SKP2: variants seen among roughly 807,000 people sequenced by gnomAD.
SKP2 encodes S-phase kinase-associated protein 2.
A neutral mutation model predicts 51.8 loss-of-function variants in SKP2; 16 were observed. That is an observed-to-expected ratio of 0.31 (90% confidence interval 0.21 to 0.47). The LOEUF (loss-of-function observed/expected upper bound fraction) is 0.47, where lower values mean the gene tolerates loss of function less well. SKP2 is among the 20% of genes least tolerant of loss of function. The pLI is 1.00. For synonymous variants in SKP2, 176 were observed against 198.6 expected, an observed-to-expected ratio of 0.89 and a Z score of 0.96; for missense variants, 377 against 505.3, an observed-to-expected ratio of 0.75 and a Z score of 2.43.
downstream of SKP2, among the ~76,000 whole-genome samples, chr5:36,186,428 T>C (rs1008006462): frequency 1.3e-5 from 2 of 152,220 alleles, no homozygotes; most frequent in Non-Finnish European, 2.9e-5. Context: ...ATATGCCCCA[T>C]CAATACCTTA....
In SKP2 at chr5:36,182,615, A is replaced by G. The variant is rs1352770306; in HGVS notation, c.*584A>G. 1.0e-6 allele frequency: 1 copy of G among 981,994 alleles called. No homozygotes were observed. Among genetic ancestry groups the G allele is most frequent in the South Asian group, 4.7e-5 (1 of 21,244 alleles). 60.8% of individuals were successfully genotyped at this position (981,994 alleles called of 1,614,324 possible). ...AGAAATAAGTAACCCCATGTAATTC[A>G]CCTTAAAACTTAACAAAAGACCAAA... On this transcript the variant is annotated 3_prime_UTR_variant, in exon 10 of 10. Coordinates refer to ENST00000274255, the MANE Select transcript of SKP2 (RefSeq NM_005983.4).
intron 9 of SKP2, among the ~76,000 whole-genome samples, chr5:36,178,510 G>A (rs1047991088): frequency 1.3e-5 from 2 of 152,088 alleles, no homozygotes; most frequent in African/African-American, 4.8e-5. Context: ...TAGGATGGCA[G>A]GATTTACTTT....
intron 5 of SKP2, among the ~76,000 whole-genome samples, chr5:36,169,112 G>A (rs548339556): frequency 2.6e-5 from 4 of 152,294 alleles, no homozygotes; most frequent in African/African-American, 7.2e-5. Context: ...GGGCCCCTAC[G>A]CCTTGCTGTA....
Position 36,177,258 on chromosome 5 carries a change from A to T in SKP2, c.1027A>T (p.Ser343Cys). Residue 343 changes from serine (S) to cysteine (C), a missense_variant, in exon 9 of 10, where the codon AGT becomes TGT. Ser to Cys is a moderately radical substitution (Grantham distance 112). Transcript: ENST00000274255. ...CAACTACCTCCAACACCTATCACTC[A>T]GTCGGTGCTATGATATAATACCTGA... ...QLNYLQHLSL[S>C]RCYDIIPETL... 1 of 1,610,904 alleles carries T rather than the reference A, an allele frequency of 6.2e-7. No individual in the cohort carries two copies. The highest frequency in any genetic ancestry group is 8.5e-7 in the Non-Finnish European group (1 of 1,177,350).
chr5:36,171,197 A>T (rs1409357799), intron 6 of SKP2, among the ~76,000 whole-genome samples: 2 of 152,214 alleles, frequency 1.3e-5, no homozygotes, highest in Non-Finnish European at 2.9e-5. Flanking sequence ...GGCTTTTTGC[A>T]ATATCAGCAT....
In SKP2 at chr5:36,166,616, C is replaced by T. The variant is rs776151084; in HGVS notation, c.490C>T (p.Arg164Cys). The stretch of plus-strand genomic sequence containing the variant: ...GCTGTCTCAAGGGGTGATTGCCTTC[C>T]GCTGCCCACGATCATTTATGGACCA... ...RLLSQGVIAF[R>C]CPRSFMDQPL... The change falls in exon 4 of 10, where the codon CGC becomes TGC. Residue 164 changes from arginine (R) to cysteine (C), a missense_variant. Physicochemically the swap from Arg to Cys is radical, Grantham distance 180. Coordinates refer to ENST00000274255, the MANE Select transcript of SKP2 (RefSeq NM_005983.4). The T allele has an allele frequency of 3.9e-5, 63 of 1,613,940 alleles. No individual in the cohort carries two copies. Among genetic ancestry groups the T allele is most frequent in the Non-Finnish European group, 5.2e-5 (61 of 1,179,886 alleles).
intron 2 of SKP2, among the ~76,000 whole-genome samples, chr5:36,153,969 A>C (rs1744856561): frequency 6.6e-6 from 1 of 152,204 alleles, no homozygotes; most frequent in African/African-American, 2.4e-5. Context: ...TTTGCTGAGC[A>C]CATACCATGT....
chr5:36,188,698 A>G (rs530851975), downstream of SKP2, among the ~76,000 whole-genome samples: 34 of 152,182 alleles, frequency 2.2e-4, no homozygotes, highest in Non-Finnish European at 3.2e-4. Context: ...GAATCTGACA[A>G]TTATGTGCCT....
Position 36,182,427 on chromosome 5 carries a change from A to G in SKP2, c.*396A>G, listed in dbSNP as rs1745840728. 1.0e-6 allele frequency: 1 copy of G among 998,822 alleles called. No homozygotes were observed. Among genetic ancestry groups the G allele is most frequent in the Non-Finnish European group, 1.2e-6 (1 of 836,626 alleles). 61.9% of individuals were successfully genotyped at this position (998,822 alleles called of 1,614,324 possible). On this transcript the variant is annotated 3_prime_UTR_variant, in exon 10 of 10. Coordinates refer to ENST00000274255, the MANE Select transcript of SKP2 (RefSeq NM_005983.4). ...ATAACTTTTATCTATTTAATTTTAT[A>G]GTATTGCTTTATAAGACAGCTTAGA... is the stretch of plus-strand genomic sequence containing the variant.
At chr5:36,177,678 T>A (rs1048333329) in intron 9 of SKP2, among the ~76,000 whole-genome samples, 3 of 152,038 alleles carry the variant, frequency 2.0e-5, no homozygotes, top group Non-Finnish European at 4.4e-5. Flanking sequence ...TTAACTCCAG[T>A]TGATTCCAAA....
Position 36,183,336 on chromosome 5 carries a change from G to A in SKP2, c.*1305G>A, listed in dbSNP as rs1745873337. 8 of 338,314 alleles carry A rather than the reference G, an allele frequency of 2.4e-5. No homozygotes were observed. The highest frequency in any genetic ancestry group is 3.3e-5 in the Non-Finnish European group (8 of 241,898). The allele number at this position is 338,314 out of a possible 1,614,324, so 21.0% of individuals were successfully genotyped here. A position where few individuals can be genotyped will look rare whatever the true frequency, so the allele number is the denominator to read the frequency against. The stretch of plus-strand genomic sequence containing the variant: ...GGCCGGAGTGCAGTGGTGCGATCTC[G>A]GCTCACTGCAAGCTCCGCCTCCCAG... On this transcript the variant is annotated 3_prime_UTR_variant, in exon 10 of 10. Transcript: ENST00000274255.
intron 1 of SKP2, 41 bp downstream of exon 1, chr5:36,152,311 C>T: frequency 6.3e-7 from 1 of 1,590,446 alleles, no homozygotes; most frequent in Non-Finnish European, 8.6e-7. Context: ...GAAATGGACC[C>T]TCTTAATAAT....
chr5:36,152,903 C>G lies in SKP2; in HGVS notation c.141C>G (p.Asp47Glu), dbSNP rs1194207913. 1.9e-6 allele frequency: 3 copies of G among 1,614,020 alleles called. No individual in the cohort carries two copies. The highest frequency in any genetic ancestry group is 2.5e-6 in the Non-Finnish European group (3 of 1,180,042). The change falls in exon 2 of 10, where the codon GAC becomes GAG. Residue 47 changes from aspartate (D) to glutamate (E), a missense_variant. Transcript: ENST00000274255. The stretch of plus-strand genomic sequence containing the variant: ...CCGCCCTGGAGAAAGAGGAGCCCGA[C>G]AGTGAGAACATCCCCCAGGAACTGC... Reference protein sequence around the residue: ...GVSALEKEEPDSENIPQELLS... With the variant: ...GVSALEKEEPESENIPQELLS...
intron 2 of SKP2, among the ~76,000 whole-genome samples, chr5:36,154,076 C>A (rs1478205815): frequency 6.6e-6 from 1 of 152,096 alleles, no homozygotes; most frequent in East Asian, 1.9e-4. Context: ...ATACAATAAA[C>A]ACAATAACTA....
intron 1 of SKP2, 59 bp downstream of exon 1, chr5:36,152,329 G>C (rs936283010): frequency 6.7e-7 from 1 of 1,489,782 alleles, no homozygotes; most frequent in African/African-American, 1.4e-5. Flanking sequence ...AATTCTTTTA[G>C]GCCGCGAATA....
At chr5:36,158,140 C>T (rs2111954537) in intron 2 of SKP2, among the ~76,000 whole-genome samples, 1 of 152,250 alleles carries the variant, frequency 6.6e-6, no homozygotes, top group Non-Finnish European at 1.5e-5. Context: ...AGACTGGAGA[C>T]CTTGGGCTCA....
At chr5:36,167,473 A>G (rs1005099639) in intron 4 of SKP2, among the ~76,000 whole-genome samples, 1 of 152,104 alleles carries the variant, frequency 6.6e-6, no homozygotes, top group Non-Finnish European at 1.5e-5. Context: ...CTACACCCAC[A>G]TTTATGCCCA....
Position 36,170,406 on chromosome 5 carries a change from A to T in SKP2, c.734A>T (p.Glu245Val). The T allele has an allele frequency of 6.2e-7, 1 of 1,613,274 alleles. No individual in the cohort carries two copies. Among genetic ancestry groups the T allele is most frequent in the South Asian group, 1.1e-5 (1 of 90,962 alleles). ...LNLSGCSGFS[E>V]FALQTLLSSC... ...CTTTCTGGGTGTTCTGGATTCTCTG[A>T]ATTTGCCCTGCAGACTTTGCTAAGC... is the stretch of plus-strand genomic sequence containing the variant. The change falls in exon 6 of 10, where the codon GAA (glutamate) becomes GTA (valine). Residue 245 changes from glutamate (E) to valine (V), a missense_variant. Physicochemically the swap from Glu to Val is moderately radical, Grantham distance 121. Transcript: ENST00000274255.
chr5:36,170,486 G>A (rs201871988), intron 6 of SKP2, 44 bp downstream of exon 6: 123 of 1,142,970 alleles, frequency 1.1e-4, no homozygotes, highest in Non-Finnish European at 1.4e-4. Flanking sequence ...TATGTCAAAC[G>A]TAAAATTATC....
Sources: allele counts gnomAD v4.1 joint callset (sites outside exome capture counted in the v4.1 genomes callset), GRCh38; gene constraint gnomAD v4.1.1; transcripts MANE v1.5; gene names NCBI Gene and HGNC (gene_info 2026-07-23, HGNC 2026-07-21).